CDH12: variants seen among roughly 807,000 people sequenced by gnomAD.
The protein encoded by CDH12 is cadherin-12.
Under a neutral mutation model 74.1 loss-of-function variants are expected in CDH12, and 41 were observed. The observed-to-expected ratio is 0.55, with a 90% CI of 0.43 to 0.72. The LOEUF (loss-of-function observed/expected upper bound fraction) is 0.72. Ranked by LOEUF, CDH12 falls within the 30% of genes least tolerant of loss-of-function variation. The pLI, the probability that CDH12 is intolerant of heterozygous loss-of-function variation, is 0.00. For missense variants in CDH12, 945 were observed against 977.2 expected, an observed-to-expected ratio of 0.97 and a Z score of 0.44; for synonymous variants, 399 against 355.0, an observed-to-expected ratio of 1.12 and a Z score of -1.39.
At chr5:22,127,268 A>G (rs4301200) in intron 4 of CDH12, among the ~76,000 whole-genome samples, 1 of 151,958 alleles carries the variant, frequency 6.6e-6, no homozygotes, top group Non-Finnish European at 1.5e-5. Context: ...CCGAGAGGTC[A>G]GGAGTTCAAG....
At chr5:22,464,958 C>T (rs374010788) in intron 2 of CDH12, among the ~76,000 whole-genome samples, 46 of 144,094 alleles carry the variant, frequency 3.2e-4, no homozygotes, top group Admixed American at 1.2e-3. Flanking sequence ...GCCGAGATTG[C>T]ACCAGAAAGT....
chr5:21,758,844 A>G (rs1457727519), intron 13 of CDH12, among the ~76,000 whole-genome samples: 1 of 152,190 alleles, frequency 6.6e-6, no homozygotes, highest in Non-Finnish European at 1.5e-5. Flanking sequence ...GGAAGACATT[A>G]TCCTAAGCAA....
intron 1 of CDH12, among the ~76,000 whole-genome samples, chr5:22,811,917 A>G (rs987470153): frequency 4.6e-5 from 7 of 152,182 alleles, no homozygotes; most frequent in African/African-American, 1.7e-4. Context: ...GATCGAAGTT[A>G]GAGAAGACAG....
chr5:21,969,965 TA>T (rs1467546734), intron 6 of CDH12, among the ~76,000 whole-genome samples: 5 of 151,658 alleles, frequency 3.3e-5, no homozygotes, highest in African/African-American at 1.2e-4. Context: ...AAAAAATAAC[TA>T]GGCAGAAATC....
At chr5:21,900,151 T>C (rs1221903036) in intron 6 of CDH12, among the ~76,000 whole-genome samples, 1 of 152,182 alleles carries the variant, frequency 6.6e-6, no homozygotes, top group African/African-American at 2.4e-5. Flanking sequence ...AGCATCACTT[T>C]TGGCACTAGC....
chr5:22,108,049 A>T (rs1041478240), intron 4 of CDH12, among the ~76,000 whole-genome samples: 1 of 152,216 alleles, frequency 6.6e-6, no homozygotes, highest in African/African-American at 2.4e-5. Context: ...AGAATAATGC[A>T]TGATATTGTT....
At chr5:22,618,992 A>G (rs1459349802) in intron 1 of CDH12, among the ~76,000 whole-genome samples, 1 of 152,078 alleles carries the variant, frequency 6.6e-6, no homozygotes, top group African/African-American at 2.4e-5. Context: ...GCCATGTGGA[A>G]CTGTGAGTTC....
intron 3 of CDH12, among the ~76,000 whole-genome samples, chr5:22,337,247 G>T (rs1739630026): frequency 6.6e-6 from 1 of 152,194 alleles, no homozygotes; most frequent in South Asian, 2.1e-4. Context: ...AGGCAGAAGG[G>T]ACACGCCTTG....
At chr5:22,826,626 G>A (rs1736341954) in intron 1 of CDH12, among the ~76,000 whole-genome samples, 1 of 152,182 alleles carries the variant, frequency 6.6e-6, no homozygotes, top group Non-Finnish European at 1.5e-5. Context: ...ATAAGGTCCA[G>A]GCTAAGGTGG....
chr5:22,683,994 G>C (rs1197475160), intron 1 of CDH12, among the ~76,000 whole-genome samples: 1 of 152,174 alleles, frequency 6.6e-6, no homozygotes, highest in African/African-American at 2.4e-5. Context: ...TAAAAAGGCA[G>C]TGATATAACT....
intron 3 of CDH12, among the ~76,000 whole-genome samples, chr5:22,395,112 A>G (rs551098240): frequency 6.6e-6 from 1 of 152,182 alleles, no homozygotes; most frequent in African/African-American, 2.4e-5. Context: ...GGCTTTTCAG[A>G]TGAAGATACT....
intron 1 of CDH12, among the ~76,000 whole-genome samples, chr5:22,664,466 C>T (rs768952029): frequency 5.9e-5 from 9 of 152,052 alleles, no homozygotes; most frequent in African/African-American, 9.7e-5. Flanking sequence ...CTCACTGTCA[C>T]GAGAAGAGCA....
At chr5:22,569,707 T>A (rs1038904869) in intron 1 of CDH12, among the ~76,000 whole-genome samples, 2 of 152,264 alleles carry the variant, frequency 1.3e-5, no homozygotes, top group South Asian at 2.1e-4. Flanking sequence ...TCCATTAAAG[T>A]TTTACCATGA....
At chr5:22,653,938 C>T (rs1739873328) in intron 1 of CDH12, among the ~76,000 whole-genome samples, 1 of 152,154 alleles carries the variant, frequency 6.6e-6, no homozygotes, top group Admixed American at 6.5e-5. Context: ...CATAAAATCT[C>T]TCCTGGGCAC....
chr5:22,653,196 C>A (rs1239549922), intron 1 of CDH12, among the ~76,000 whole-genome samples: 1 of 152,116 alleles, frequency 6.6e-6, no homozygotes, highest in Non-Finnish European at 1.5e-5. Flanking sequence ...TCTCTAAATA[C>A]ATTTATTACC....
chr5:21,762,565 A>G (rs1744785309), intron 12 of CDH12, among the ~76,000 whole-genome samples: 1 of 152,114 alleles, frequency 6.6e-6, no homozygotes, highest in Non-Finnish European at 1.5e-5. Context: ...AACTCAATGG[A>G]CATTTCAGGG....
chr5:22,844,142 T>C (rs1737199863), intron 1 of CDH12, among the ~76,000 whole-genome samples: 1 of 152,120 alleles, frequency 6.6e-6, no homozygotes, highest in Non-Finnish European at 1.5e-5. Context: ...GCAGCTGTTA[T>C]TCTCACAAGA....
At chr5:21,967,645 G>A (rs2910530) in intron 6 of CDH12, among the ~76,000 whole-genome samples, 1 of 152,166 alleles carries the variant, frequency 6.6e-6, no homozygotes, top group Non-Finnish European at 1.5e-5. Flanking sequence ...CATGGTTTAT[G>A]TTTAGGGACA....
Position 22,204,171 on chromosome 5 carries a change from T to TG in CDH12, c.-187+8326_-187+8327insC, listed in dbSNP as rs1165203197. Among the ~76,000 whole-genome samples, 456 of 148,464 alleles carry TG rather than the reference T, an allele frequency of 3.1e-3. 4 individuals are homozygous for TG. The highest frequency in any genetic ancestry group is 0.014 in the South Asian group (67 of 4,744). ...TTGTTTTGTTTTGTTTGTTTTTTTT[T>TG]TTTTGTTTTTTGTTTTTTTGAGACG... is the stretch of plus-strand genomic sequence containing the variant. On this transcript the variant is annotated intron_variant, in intron 4 of 14. Transcript: ENST00000382254.
Sources: gnomAD v4.1 joint callset for allele counts (sites outside exome capture counted in the v4.1 genomes callset) on GRCh38, gnomAD v4.1.1 for gene constraint, MANE v1.5 for transcripts, NCBI Gene and HGNC (gene_info 2026-07-23, HGNC 2026-07-21) for gene names.